The following SGCZ variants were observed in gnomAD, a reference collection of about 807,000 sequenced individuals.
SGCZ encodes zeta-sarcoglycan.
SGCZ carries 40 observed loss-of-function variants against 41.3 expected under a neutral mutation model. The observed-to-expected ratio is 0.97, with a 90% CI of 0.75 to 1.26. The LOEUF is 1.26. SGCZ is among the 50% of genes most tolerant of loss of function. The probability of loss-of-function intolerance (pLI) is 0.00; values close to 1 mark genes in which losing one functional copy is unlikely to be tolerated. For missense variants in SGCZ, 552 were observed against 369.8 expected (o/e 1.49, Z -4.04); for synonymous variants, 206 against 137.5 (o/e 1.50, Z -3.49).
At chr8:15,035,093 T>C (rs1247884562) in intron 1 of SGCZ, among the ~76,000 whole-genome samples, 2 of 152,106 alleles carry the variant, frequency 1.3e-5, no homozygotes. Flanking sequence ...ATCATTTGTA[T>C]TTTTAGTATG....
chr8:14,881,521 C>T (rs1374342341), intron 1 of SGCZ, among the ~76,000 whole-genome samples: 1 of 152,098 alleles, frequency 6.6e-6, no homozygotes, highest in Non-Finnish European at 1.5e-5. Context: ...TTCAGGCCCA[C>T]ATCAGCCTCA....
At chr8:14,560,278 T>C (rs1804169092) in intron 1 of SGCZ, among the ~76,000 whole-genome samples, 1 of 152,036 alleles carries the variant, frequency 6.6e-6, no homozygotes, top group Admixed American at 6.6e-5. Context: ...CCTGATTTGA[T>C]CATCCAACTT....
chr8:14,589,682 A>G (rs1438158864), intron 1 of SGCZ, among the ~76,000 whole-genome samples: 1 of 152,208 alleles, frequency 6.6e-6, no homozygotes, highest in Non-Finnish European at 1.5e-5. Context: ...AGGAACATAG[A>G]TATTTCCTTC....
chr8:14,413,602 T>C (rs1224451370), intron 2 of SGCZ, among the ~76,000 whole-genome samples: 1 of 152,032 alleles, frequency 6.6e-6, no homozygotes, highest in African/African-American at 2.4e-5. Flanking sequence ...TTTTGAAATA[T>C]ATGCTGATAA....
intron 1 of SGCZ, among the ~76,000 whole-genome samples, chr8:14,718,819 T>C (rs1218568626): frequency 2.0e-5 from 3 of 149,826 alleles, no homozygotes; most frequent in African/African-American, 7.4e-5. Flanking sequence ...TCTTTGTCTT[T>C]TTTCTTTTTT....
intron 1 of SGCZ, among the ~76,000 whole-genome samples, chr8:14,663,518 G>A (rs752775572): frequency 3.9e-5 from 6 of 151,940 alleles, no homozygotes; most frequent in Non-Finnish European, 7.4e-5. Flanking sequence ...TAACCTCTCT[G>A]TGCATGCCTC....
At chr8:14,621,545 T>C (rs1469072442) in intron 1 of SGCZ, among the ~76,000 whole-genome samples, 1 of 152,044 alleles carries the variant, frequency 6.6e-6, no homozygotes, top group Non-Finnish European at 1.5e-5. Context: ...TTTAATTGAC[T>C]CCCAGTTCTG....
intron 1 of SGCZ, among the ~76,000 whole-genome samples, chr8:14,840,894 C>G (rs1468161685): frequency 6.6e-6 from 1 of 151,926 alleles, no homozygotes; most frequent in African/African-American, 2.4e-5. Context: ...TAGCAACTCC[C>G]ATAATAATAT....
At position 14,800,380 on chromosome 8, in the gene SGCZ, G is replaced by A. The variant is rs1801284316; in HGVS notation, c.40-245454C>T. On this transcript the variant is annotated intron_variant, in intron 1 of 7. Transcript: ENST00000382080. ...AGGAATAGGGAAGGGGTTAATCCTGGCCCATAAGTTTATGTAAGGTGCATA... is the reference window on the plus strand; with the variant it reads ...AGGAATAGGGAAGGGGTTAATCCTGACCCATAAGTTTATGTAAGGTGCATA... Among the ~76,000 whole-genome samples, 3 of 152,208 alleles carry A rather than the reference G, an allele frequency of 2.0e-5. No homozygotes were observed. The South Asian group carries it at 6.2e-4, about 32-fold the overall frequency.
intron 5 of SGCZ, among the ~76,000 whole-genome samples, chr8:14,108,748 G>A (rs1441219494): frequency 1.3e-5 from 2 of 152,080 alleles, no homozygotes; most frequent in Middle Eastern, 3.2e-3. Context: ...AATATCACCA[G>A]GCAGGGAAGA....
rs567940289 is a variant in SGCZ, at chr8:14,205,282, C to T, written c.424+32310G>A. Among the ~76,000 whole-genome samples the T allele has an allele frequency of 6.6e-5, 10 of 152,122 alleles. No individual in the cohort carries two copies. The South Asian group carries it at 1.7e-3, about 25-fold the overall frequency. Reference sequence around the variant, plus strand: ...TTGAAATAGACTCCCCCTCAACATGCTAACTAGTCATTAGGCAATGTTCTC... The same window carrying T: ...TTGAAATAGACTCCCCCTCAACATGTTAACTAGTCATTAGGCAATGTTCTC... On this transcript the variant is annotated intron_variant, in intron 4 of 7. Coordinates refer to ENST00000382080, the MANE Select transcript of SGCZ (RefSeq NM_139167.4).
At chr8:14,190,074 G>A (rs1209527331) in intron 4 of SGCZ, among the ~76,000 whole-genome samples, 4 of 138,564 alleles carry the variant, frequency 2.9e-5, no homozygotes, top group African/African-American at 8.3e-5. Context: ...GTGCAGTGGC[G>A]CCATCTTGAC....
intron 1 of SGCZ, among the ~76,000 whole-genome samples, chr8:14,681,766 T>TA (rs1488245483): frequency 2.0e-5 from 3 of 152,140 alleles, no homozygotes; most frequent in Non-Finnish European, 4.4e-5. Context: ...ATGAATATCT[T>TA]AGAGAGAGGT....
At chr8:14,896,682 G>A (rs1446310088) in intron 1 of SGCZ, among the ~76,000 whole-genome samples, 1 of 151,792 alleles carries the variant, frequency 6.6e-6, no homozygotes, top group Non-Finnish European at 1.5e-5. Context: ...TCACCATGTT[G>A]GTCAAGGTAG....
At chr8:14,095,583 C>A (rs1801818226) in intron 7 of SGCZ, among the ~76,000 whole-genome samples, 1 of 152,120 alleles carries the variant, frequency 6.6e-6, no homozygotes, top group Admixed American at 6.6e-5. Context: ...CTTGGCTATG[C>A]AGGCTCTTTT....
At chr8:14,203,205 G>T (rs868526241) in intron 4 of SGCZ, among the ~76,000 whole-genome samples, 3 of 152,142 alleles carry the variant, frequency 2.0e-5, no homozygotes, top group Non-Finnish European at 4.4e-5. Context: ...GACTAATACA[G>T]ATATATTTAG....
At chr8:14,880,949 T>C (rs374813329) in intron 1 of SGCZ, among the ~76,000 whole-genome samples, 1 of 149,116 alleles carries the variant, frequency 6.7e-6, no homozygotes, top group African/African-American at 2.5e-5. Context: ...AAACTTAAAG[T>C]ATAATAAAAA....
At chr8:15,124,112 G>A (rs1170356893) in intron 1 of SGCZ, among the ~76,000 whole-genome samples, 1 of 152,156 alleles carries the variant, frequency 6.6e-6, no homozygotes, top group Non-Finnish European at 1.5e-5. Flanking sequence ...GACAACTCCG[G>A]CTGTGATGTG....
At chr8:14,115,137 T>A (rs1255074185) in intron 5 of SGCZ, among the ~76,000 whole-genome samples, 1 of 151,976 alleles carries the variant, frequency 6.6e-6, no homozygotes, top group Non-Finnish European at 1.5e-5. Flanking sequence ...CAGGAAATAG[T>A]TAATTCCAAA....
Sources: gnomAD v4.1 joint callset for allele counts (sites outside exome capture counted in the v4.1 genomes callset) on GRCh38, gnomAD v4.1.1 for gene constraint, MANE v1.5 for transcripts, NCBI Gene and HGNC (gene_info 2026-07-23, HGNC 2026-07-21) for gene names.